MED15: variants seen among roughly 807,000 people sequenced by gnomAD.
MED15 encodes mediator of RNA polymerase II transcription subunit 15.
Under a neutral mutation model 118.7 loss-of-function variants are expected in MED15, and 41 were observed. The ratio of observed to expected loss-of-function variants is 0.35; its 90% CI spans 0.27 to 0.45. The LOEUF (loss-of-function observed/expected upper bound fraction) is 0.45, where lower values mean the gene tolerates loss of function less well. MED15 is among the 20% of genes least tolerant of loss of function. MED15 has a pLI of 1.00. For missense variants in MED15, 740 were observed against 1,025.5 expected (o/e 0.72, Z 3.80); for synonymous variants, 436 against 413.9 (o/e 1.05, Z -0.65).
chr22:20,586,799 G>C lies in MED15; in HGVS notation c.*95G>C, dbSNP rs1053231974. On this transcript the variant is annotated 3_prime_UTR_variant, in exon 18 of 18. Coordinates refer to ENST00000263205, the MANE Select transcript of MED15 (RefSeq NM_001003891.3). ...GGTGTTGGCTTCCTTAGAGAGCCTGGGGTTAGGTTAGCTTTCCTGCTTTTA... is the reference window on the plus strand; with the variant it reads ...GGTGTTGGCTTCCTTAGAGAGCCTGCGGTTAGGTTAGCTTTCCTGCTTTTA... 1.3e-6 allele frequency: 2 copies of C among 1,521,144 alleles called. No individual in the cohort carries two copies. Among genetic ancestry groups the C allele is most frequent in the South Asian group, 1.2e-5 (1 of 83,846 alleles). 94.2% of individuals were successfully genotyped at this position (1,521,144 alleles called of 1,614,324 possible).
chr22:20,521,088 A>ATTTT lies in MED15; in HGVS notation c.68+13365_68+13368dup, dbSNP rs924603121. On this transcript the variant is annotated intron_variant, in intron 1 of 17. Transcript: ENST00000263205. ...TATCCTCACAGGCAGCAGTTGTTCT[A>ATTTT]TTTTTTTTTTTTTTTTTTTTTTTTT... Among the ~76,000 whole-genome samples the ATTTT allele has an allele frequency of 1.9e-3, 117 of 61,500 alleles. 8 individuals are homozygous for ATTTT. Among genetic ancestry groups the ATTTT allele is most frequent in the East Asian group, 6.2e-3 (12 of 1,942 alleles). The allele number at this position is 61,500 out of a possible 152,430, so 40.3% of individuals were successfully genotyped here.
rs369416562 is a variant in MED15 at position 20,535,785 on chromosome 22, G to T, written c.69-1332G>T. Among the ~76,000 whole-genome samples, 16 of 151,380 alleles carry T rather than the reference G, an allele frequency of 1.1e-4. No individual in the cohort carries two copies. The East Asian group carries it at 1.4e-3, about 13-fold the overall frequency. On this transcript the variant is annotated intron_variant, in intron 1 of 17. Transcript: ENST00000263205. ...TGTGTTAGCCAGGATGGTCGTGCTC[G>T]CCTGACCTCGTGATCTGCCCGCCTT...
intron 2 of MED15, among the ~76,000 whole-genome samples, chr22:20,548,890 T>C (rs1012155469): frequency 5.9e-5 from 9 of 152,200 alleles, no homozygotes; most frequent in Admixed American, 2.0e-4. Context: ...CATTGCAGCA[T>C]TGATCTCCCA....
At chr22:20,526,031 C>G (rs1458486588) in intron 1 of MED15, among the ~76,000 whole-genome samples, 1 of 151,608 alleles carries the variant, frequency 6.6e-6, no homozygotes, top group Non-Finnish European at 1.5e-5. Flanking sequence ...AGAAATCCTC[C>G]CACCTCAGCC....
At chr22:20,548,867 A>G (rs1271849950) in intron 2 of MED15, among the ~76,000 whole-genome samples, 1 of 152,088 alleles carries the variant, frequency 6.6e-6, no homozygotes, top group Non-Finnish European at 1.5e-5. Context: ...AGTGCAGTGG[A>G]GTGGTCACAG....
chr22:20,561,366 A>G (rs1569222587), intron 5 of MED15, among the ~76,000 whole-genome samples: 1 of 152,156 alleles, frequency 6.6e-6, no homozygotes, highest in Non-Finnish European at 1.5e-5. Flanking sequence ...TAAAAATACA[A>G]AAAGTTAGCT....
chr22:20,531,015 A>G (rs1401543495), intron 1 of MED15, among the ~76,000 whole-genome samples: 2 of 152,106 alleles, frequency 1.3e-5, no homozygotes, highest in Non-Finnish European at 2.9e-5. Flanking sequence ...AATATTAACT[A>G]CTATCATCCT....
Position 20,564,698 on chromosome 22 carries a change from C to G in MED15, c.690+10C>G. On this transcript the variant is annotated intron_variant, in intron 6 of 17. Coordinates refer to ENST00000263205, the MANE Select transcript of MED15 (RefSeq NM_001003891.3). Reference sequence around the variant, plus strand: ...TCAAAATCAGCAACAGGTACCAGGTCCCCTGTTCCTGCTCTTGGCCTCCCT... The same window carrying G: ...TCAAAATCAGCAACAGGTACCAGGTGCCCTGTTCCTGCTCTTGGCCTCCCT... 1 of 1,614,174 alleles carries G rather than the reference C, an allele frequency of 6.2e-7. No homozygotes were observed. The highest frequency in any genetic ancestry group is 8.5e-7 in the Non-Finnish European group (1 of 1,179,972).
intron 1 of MED15, among the ~76,000 whole-genome samples, chr22:20,512,845 G>T (rs1001118698): frequency 6.7e-6 from 1 of 148,576 alleles, no homozygotes; most frequent in African/African-American, 2.5e-5. Context: ...GGGTTCAAGC[G>T]ATTCTCCTGC....
At position 20,582,995 on chromosome 22, in the gene MED15, A is replaced by G. The variant is rs767915207; in HGVS notation, c.1537+28A>G. 6.2e-6 allele frequency: 10 copies of G among 1,601,430 alleles called. No homozygotes were observed. The African/African-American group carries it at 8.0e-5, about 13-fold the overall frequency. On this transcript the variant is annotated intron_variant, in intron 11 of 17. Transcript: ENST00000263205. ...AAGTTGGGCCTGAGGTGCTAAGGTC[A>G]CTCCTCACCTTTATGAGGCCTCAGC...
chr22:20,532,313 C>G (rs868481238), intron 1 of MED15, among the ~76,000 whole-genome samples: 7 of 152,158 alleles, frequency 4.6e-5, no homozygotes, highest in African/African-American at 1.7e-4. Flanking sequence ...GATGAAGACA[C>G]GAAGAGCTTT....
At chr22:20,537,828 C>G (rs926101661) in intron 2 of MED15, among the ~76,000 whole-genome samples, 4 of 152,144 alleles carry the variant, frequency 2.6e-5, no homozygotes, top group African/African-American at 9.7e-5. Context: ...CTTGTGTGCA[C>G]GTGTGTGTGC....
chr22:20,585,739 C>A lies in MED15; in HGVS notation c.2143C>A (p.Leu715Ile). ...CTTCTGTGTTGCAGATGACAAGGAC[C>A]TCCCAAGTGTGCCACCACTGGAGCT... Reference protein sequence around the residue: ...HLICKLDDKDLPSVPPLELSV... With the variant: ...HLICKLDDKDIPSVPPLELSV... Residue 715 changes from leucine to isoleucine, a missense_variant, in exon 17 of 18, where the codon CTC becomes ATC. Leu to Ile is a conservative substitution (Grantham distance 5, BLOSUM62 2). This residue lies in a region of MED15 where 179 missense variants were observed against 259.0 expected (regional missense o/e 0.69). Transcript: ENST00000263205. 4 of 1,613,294 alleles carry A rather than the reference C, an allele frequency of 2.5e-6. No individual in the cohort carries two copies. The highest frequency in any genetic ancestry group is 3.4e-6 in the Non-Finnish European group (4 of 1,179,962).
intron 1 of MED15, among the ~76,000 whole-genome samples, chr22:20,536,468 A>T (rs2055085982): frequency 6.6e-6 from 1 of 152,170 alleles, no homozygotes; most frequent in South Asian, 2.1e-4. Context: ...TCTTCATAGG[A>T]TTCTATCTCT....
intron 5 of MED15, among the ~76,000 whole-genome samples, chr22:20,560,872 A>T (rs1180483472): frequency 6.6e-6 from 1 of 152,212 alleles, no homozygotes; most frequent in Non-Finnish European, 1.5e-5. Context: ...CCTAGCCTCA[A>T]ATCCATCCAG....
At position 20,587,087 on chromosome 22, in the gene MED15, C is replaced by T; in HGVS notation, c.*383C>T. The T allele has an allele frequency of 4.0e-6, 1 of 249,264 alleles. No individual in the cohort carries two copies. The highest frequency in any genetic ancestry group is 7.9e-6 in the Non-Finnish European group (1 of 125,930). 15.4% of individuals were successfully genotyped at this position (249,264 alleles called of 1,614,324 possible). A position where few individuals can be genotyped will look rare whatever the true frequency, so the allele number is the denominator to read the frequency against. On this transcript the variant is annotated 3_prime_UTR_variant, in exon 18 of 18. Coordinates refer to ENST00000263205, the MANE Select transcript of MED15 (RefSeq NM_001003891.3). ...GTGCTAGACGCACCCCTACTCGTTC[C>T]TATAGAACACAGAGGACATAGGAAA...
chr22:20,537,835 G>T (rs1053330958), intron 2 of MED15, among the ~76,000 whole-genome samples: 1 of 152,234 alleles, frequency 6.6e-6, no homozygotes, highest in Non-Finnish European at 1.5e-5. Context: ...GCACGTGTGT[G>T]TGCAAGGCAG....
chr22:20,582,445 G>A, intron 9 of MED15, 166 bp from the exon 10 acceptor site: 1 of 1,132,848 alleles, frequency 8.8e-7, no homozygotes. Context: ...TGTGTGCCAG[G>A]CTGGGGGAGT....
In MED15 at chr22:20,575,095, G is replaced by T; in HGVS notation, c.1153-18G>T. On this transcript the variant is annotated intron_variant, in intron 8 of 17. Coordinates refer to ENST00000263205, the MANE Select transcript of MED15 (RefSeq NM_001003891.3). ...CTTTGTTGCGATCACCTTGTCTGTT[G>T]TCCCTCTGTCCTCAAAGATGATCAC... 6.2e-7 allele frequency: 1 copy of T among 1,613,156 alleles called. No individual in the cohort carries two copies.
Sources: allele counts gnomAD v4.1 joint callset (sites outside exome capture counted in the v4.1 genomes callset), GRCh38; gene constraint gnomAD v4.1.1; regional missense constraint gnomAD v4.1.1; transcripts MANE v1.5; gene names NCBI Gene and HGNC (gene_info 2026-07-23, HGNC 2026-07-21).